Variants in EPHB1 observed in about 807,000 individuals in gnomAD.
EPHB1 encodes ephrin type-B receptor 1.
Under a neutral mutation model 94.4 loss-of-function variants are expected in EPHB1, and 30 were observed. That is an observed-to-expected ratio of 0.32 (90% CI 0.24 to 0.43). The LOEUF (loss-of-function observed/expected upper bound fraction) is 0.43. EPHB1 is among the 20% of genes least tolerant of loss of function. EPHB1 has a pLI of 1.00. For missense variants in EPHB1, 1,055 were observed against 1,308.3 expected (o/e 0.81, Z 2.99); for synonymous variants, 522 against 489.1 (o/e 1.07, Z -0.89).
At chr3:135,170,294 C>A (rs1212527662) in intron 9 of EPHB1, among the ~76,000 whole-genome samples, 1 of 152,148 alleles carries the variant, frequency 6.6e-6, no homozygotes, top group Admixed American at 6.5e-5. Flanking sequence ...CTAGTTGAGA[C>A]GTGGCAGATC....
At chr3:134,839,903 T>C (rs1191119952) in intron 1 of EPHB1, among the ~76,000 whole-genome samples, 2 of 152,130 alleles carry the variant, frequency 1.3e-5, no homozygotes, top group Non-Finnish European at 2.9e-5. Context: ...GAGGATTTGC[T>C]CAGGATGGGC....
chr3:134,939,780 G>T (rs560317144), intron 2 of EPHB1, among the ~76,000 whole-genome samples: 1 of 152,250 alleles, frequency 6.6e-6, no homozygotes, highest in Non-Finnish European at 1.5e-5. Context: ...AGGCTCCAGT[G>T]GGCTTCTTGT....
In EPHB1 at chr3:134,931,193, A is replaced by G. The variant is rs143273031; in HGVS notation, c.123+5313A>G. ...TTAAAGAGCATAATTAGTGATGCACATGGAGCCACTTCTCCTGAGATAAGC... is the reference window on the plus strand; with the variant it reads ...TTAAAGAGCATAATTAGTGATGCACGTGGAGCCACTTCTCCTGAGATAAGC... On this transcript the variant is annotated intron_variant, in intron 2 of 15. Coordinates refer to ENST00000398015, the MANE Select transcript of EPHB1 (RefSeq NM_004441.5). Among the ~76,000 whole-genome samples, 769 of 152,348 alleles carry G rather than the reference A, an allele frequency of 5.0e-3. 6 individuals carry two copies. The highest frequency in any genetic ancestry group is 0.018 in the African/African-American group (749 of 41,578).
At chr3:134,836,127 G>A (rs1360577251) in intron 1 of EPHB1, among the ~76,000 whole-genome samples, 2 of 152,172 alleles carry the variant, frequency 1.3e-5, no homozygotes, top group Non-Finnish European at 2.9e-5. Context: ...TATCCATGGG[G>A]CATCTGGCTG....
intron 3 of EPHB1, among the ~76,000 whole-genome samples, chr3:135,085,910 A>G (rs1350583427): frequency 6.6e-6 from 1 of 152,212 alleles, no homozygotes; most frequent in East Asian, 1.9e-4. Flanking sequence ...CATACACACA[A>G]ATTAAATCAT....
chr3:135,154,419 T>C, intron 6 of EPHB1, 143 bp downstream of exon 6: 2 of 1,201,158 alleles, frequency 1.7e-6, no homozygotes, highest in Non-Finnish European at 1.1e-6. Flanking sequence ...CCTGGGAGAG[T>C]TCTCCAGGTC....
intron 3 of EPHB1, among the ~76,000 whole-genome samples, chr3:134,995,150 T>C (rs1317899576): frequency 6.6e-6 from 1 of 152,200 alleles, no homozygotes; most frequent in African/African-American, 2.4e-5. Flanking sequence ...CTCCTTCTTC[T>C]CCCTGATCAC....
intron 1 of EPHB1, among the ~76,000 whole-genome samples, chr3:134,854,503 G>T (rs1014216490): frequency 2.0e-4 from 30 of 152,148 alleles, no homozygotes; most frequent in African/African-American, 7.0e-4. Flanking sequence ...AGAACAGCCT[G>T]TGAAACTCGG....
chr3:135,164,806 C>CAAAA (rs59870139), intron 7 of EPHB1, among the ~76,000 whole-genome samples: 101 of 86,302 alleles, frequency 1.2e-3, no homozygotes, highest in Non-Finnish European at 1.7e-3. Context: ...AAGACTGTCT[C>CAAAA]AAAAAAAAAA....
chr3:135,181,110 G>C (rs1403027258), intron 10 of EPHB1, among the ~76,000 whole-genome samples: 1 of 152,110 alleles, frequency 6.6e-6, no homozygotes, highest in Non-Finnish European at 1.5e-5. Context: ...ATGCACTCAG[G>C]GGTCAAAAAG....
intron 5 of EPHB1, among the ~76,000 whole-genome samples, chr3:135,148,789 A>T (rs1941097660): frequency 6.6e-6 from 1 of 152,174 alleles, no homozygotes; most frequent in South Asian, 2.1e-4. Flanking sequence ...AAAAACAGAG[A>T]CAAAGGACTC....
At chr3:134,812,516 T>C (rs1242129321) in intron 1 of EPHB1, among the ~76,000 whole-genome samples, 1 of 152,250 alleles carries the variant, frequency 6.6e-6, no homozygotes, top group Non-Finnish European at 1.5e-5. Context: ...ATTTCACAGT[T>C]GGTGGACATT....
intron 1 of EPHB1, among the ~76,000 whole-genome samples, chr3:134,909,656 G>A (rs1218210726): frequency 1.3e-5 from 2 of 152,202 alleles, no homozygotes; most frequent in Non-Finnish European, 2.9e-5. Context: ...AGTTCAGAAG[G>A]AAGAGAACCA....
chr3:135,225,366 G>A (rs974509317), intron 12 of EPHB1, among the ~76,000 whole-genome samples: 127 of 152,304 alleles, frequency 8.3e-4, no homozygotes, highest in African/African-American at 3.0e-3. Flanking sequence ...ATGTCACAGA[G>A]CTTAGGCCCT....
intron 3 of EPHB1, among the ~76,000 whole-genome samples, chr3:135,006,433 G>A (rs1327825389): frequency 6.6e-6 from 1 of 152,134 alleles, no homozygotes; most frequent in Non-Finnish European, 1.5e-5. Flanking sequence ...TGGATTTAAT[G>A]CAACTAAGTT....
At chr3:135,016,283 A>G (rs1027018455) in intron 3 of EPHB1, among the ~76,000 whole-genome samples, 4 of 152,248 alleles carry the variant, frequency 2.6e-5, no homozygotes, top group African/African-American at 9.6e-5. Flanking sequence ...ATAATAGCAT[A>G]TGAAATGATA....
At chr3:134,807,600 T>C (rs546653282) in intron 1 of EPHB1, among the ~76,000 whole-genome samples, 116 of 152,046 alleles carry the variant, frequency 7.6e-4, no homozygotes, top group Non-Finnish European at 2.5e-4. Context: ...GTTATGATTA[T>C]ATCCAGGGCA....
chr3:135,007,345 C>T (rs548577814), intron 3 of EPHB1, among the ~76,000 whole-genome samples: 8 of 152,256 alleles, frequency 5.3e-5, no homozygotes, highest in East Asian at 3.9e-4. Flanking sequence ...CTGGTGGTCT[C>T]CAGCCCCTAA....
intron 4 of EPHB1, among the ~76,000 whole-genome samples, chr3:135,123,122 G>C (rs1040318567): frequency 2.6e-5 from 4 of 152,212 alleles, no homozygotes; most frequent in Non-Finnish European, 5.9e-5. Context: ...CCAGGTGGAA[G>C]AGTTGTTAAG....
Sources: allele counts gnomAD v4.1 joint callset (sites outside exome capture counted in the v4.1 genomes callset), GRCh38; gene constraint gnomAD v4.1.1; transcripts MANE v1.5; gene names NCBI Gene and HGNC (gene_info 2026-07-23, HGNC 2026-07-21).